The following ARHGAP6 variants were observed in gnomAD, a reference collection of about 807,000 sequenced individuals.
ARHGAP6 encodes the protein rho GTPase-activating protein 6.
A neutral mutation model predicts 55.7 loss-of-function variants in ARHGAP6; 16 were observed. The ratio of observed to expected loss-of-function variants is 0.29; its 90% CI spans 0.19 to 0.44. The LOEUF (loss-of-function observed/expected upper bound fraction) is 0.44. Ranked by LOEUF, ARHGAP6 falls within the 20% of genes least tolerant of loss-of-function variation. ARHGAP6 has a pLI of 1.00. For missense variants in ARHGAP6, 698 were observed against 808.9 expected, an observed-to-expected ratio of 0.86 and a Z score of 1.66; for synonymous variants, 382 against 360.9, an observed-to-expected ratio of 1.06 and a Z score of -0.66.
In ARHGAP6 at chrX:11,247,546, T is replaced by C. The variant is rs901962635; in HGVS notation, c.748+7002A>G. ...ATGTCACAACTACTCAACTCTGACA[T>C]TGAGTGAAAACAGGCATAGACGAAT... On this transcript the variant is annotated intron_variant, in intron 2 of 12. Coordinates refer to ENST00000337414, the MANE Select transcript of ARHGAP6 (RefSeq NM_013427.3). Among the ~76,000 whole-genome samples the C allele has an allele frequency of 2.7e-4, 30 of 112,155 alleles. 1 individual carries two copies. Among genetic ancestry groups the C allele is most frequent in the African/African-American group, 7.8e-4 (24 of 30,900 alleles).
intron 1 of ARHGAP6, among the ~76,000 whole-genome samples, chrX:11,633,515 T>C (rs968793160): frequency 5.4e-5 from 6 of 112,091 alleles, no homozygotes; most frequent in African/African-American, 1.6e-4. Context: ...ATACCCACTG[T>C]TTCCAATTCA....
intron 3 of ARHGAP6, among the ~76,000 whole-genome samples, chrX:11,191,580 T>C (rs1305659024): frequency 1.8e-5 from 2 of 111,880 alleles, no homozygotes. Flanking sequence ...CTCTTTTCTT[T>C]TCTCCATGGT....
At chrX:11,370,381 G>A (rs776218452) in intron 1 of ARHGAP6, among the ~76,000 whole-genome samples, 37 of 112,002 alleles carry the variant, frequency 3.3e-4, no homozygotes, top group South Asian at 7.5e-4. Context: ...AACCTATAGC[G>A]TCAACATCAT....
intron 1 of ARHGAP6, among the ~76,000 whole-genome samples, chrX:11,440,937 C>T (rs1457857909): frequency 8.9e-6 from 1 of 111,822 alleles, no homozygotes. Context: ...ATTTGATTGC[C>T]ATGCCCAAGT....
chrX:11,514,965 A>G (rs1186765237), intron 1 of ARHGAP6, among the ~76,000 whole-genome samples: 1 of 110,769 alleles, frequency 9.0e-6, no homozygotes, highest in Non-Finnish European at 1.9e-5. Context: ...CCTATCTGTA[A>G]ATTCTCATAG....
Position 11,163,068 on chromosome X carries a change from C to T in ARHGAP6, c.1809+6437G>A, listed in dbSNP as rs374701671. On this transcript the variant is annotated intron_variant, in intron 9 of 12. Coordinates refer to ENST00000337414, the MANE Select transcript of ARHGAP6 (RefSeq NM_013427.3). ...AATTCATTGTTTCACATCAAAATCT[C>T]TACTGGGCTTTAGTCAACCTTGTAA... is the stretch of plus-strand genomic sequence containing the variant. Among the ~76,000 whole-genome samples the T allele has an allele frequency of 8.9e-5, 10 of 111,965 alleles. No homozygotes were observed. The East Asian group carries it at 2.2e-3, about 25-fold the overall frequency.
intron 1 of ARHGAP6, among the ~76,000 whole-genome samples, chrX:11,341,481 A>T (rs999885156): frequency 8.9e-6 from 1 of 112,621 alleles, no homozygotes; most frequent in African/African-American, 3.2e-5. Flanking sequence ...TAATCATGTG[A>T]TAAAATGTCA....
chrX:11,164,238 T>C (rs748414722), intron 9 of ARHGAP6, among the ~76,000 whole-genome samples: 1 of 112,434 alleles, frequency 8.9e-6, no homozygotes, highest in African/African-American at 3.2e-5. Context: ...TAAGGAGGCA[T>C]CATGCTGTAG....
intron 1 of ARHGAP6, among the ~76,000 whole-genome samples, chrX:11,456,107 C>T (rs2050191542): frequency 9.0e-6 from 1 of 111,416 alleles, no homozygotes; most frequent in African/African-American, 3.3e-5. Context: ...AAAAACTGTG[C>T]CATTTATAAT....
intron 1 of ARHGAP6, among the ~76,000 whole-genome samples, chrX:11,544,605 G>T (rs1267146196): frequency 8.9e-6 from 1 of 112,228 alleles, no homozygotes; most frequent in Admixed American, 9.4e-5. Flanking sequence ...TGTTTGGAAT[G>T]AGGTTCACTT....
chrX:11,395,263 A>G (rs1363081038), intron 1 of ARHGAP6, among the ~76,000 whole-genome samples: 1 of 112,064 alleles, frequency 8.9e-6, no homozygotes, highest in Non-Finnish European at 1.9e-5. Flanking sequence ...AAGAAACACT[A>G]AGAAGCTAAC....
chrX:11,525,628 C>T (rs1456534096), intron 1 of ARHGAP6, among the ~76,000 whole-genome samples: 3 of 111,929 alleles, frequency 2.7e-5, no homozygotes, highest in Non-Finnish European at 3.8e-5. Context: ...TTTATCATTG[C>T]ACAACTTTCT....
At position 11,156,623 on chromosome X, in the gene ARHGAP6, G is replaced by T. The variant is rs1269901509; in HGVS notation, c.1813C>A (p.Pro605Thr). 5.0e-6 allele frequency: 6 copies of T among 1,200,709 alleles called. No homozygotes were observed. The highest frequency in any genetic ancestry group is 5.6e-6 in the Non-Finnish European group (5 of 887,870). ...AGCACTTCGTTCTGGAGATCTGGGG[G>T]AACCTGAAGGAGCCAAATGTTGAGG... ...IENYEALFMV[P>T]PDLQNEVLIS... Residue 605 changes from proline (P) to threonine (T), a missense_variant, in exon 10 of 13, where the codon CCC becomes ACC. Transcript: ENST00000337414.
At position 11,139,061 on chromosome X, in the gene ARHGAP6, G is replaced by C. The variant is rs2045583383; in HGVS notation, c.2727C>G (p.Asp909Glu). The C allele has an allele frequency of 8.3e-7, 1 of 1,204,088 alleles. No individual in the cohort carries two copies. Among genetic ancestry groups the C allele is most frequent in the African/African-American group, 1.7e-5 (1 of 57,390 alleles). ...GPPEGVETPT[D>E]QGGQAAEREQ... ...CTCGCTCGGCTGCTTGGCCTCCCTG[G>C]TCCGTGGGTGTCTCCACGCCTTCCG... The change falls in exon 13 of 13, where the codon GAC becomes GAG. Residue 909 changes from aspartate (D) to glutamate (E), a missense_variant. Physicochemically the swap from Asp to Glu is conservative, Grantham distance 45. This residue lies in a region of ARHGAP6 where 212 missense variants were observed against 208.7 expected (regional missense o/e 1.02). Coordinates refer to ENST00000337414, the MANE Select transcript of ARHGAP6 (RefSeq NM_013427.3).
rs188557092 is a variant in ARHGAP6, at chrX:11,199,376, A to G, written c.749-2380T>C. ...AACCTGCTAGAGGTACAAACTCTCTATGGTCCCACTCCAGATATGCTAAAT... is the reference window on the plus strand; with the variant it reads ...AACCTGCTAGAGGTACAAACTCTCTGTGGTCCCACTCCAGATATGCTAAAT... On this transcript the variant is annotated intron_variant, in intron 2 of 12. Transcript: ENST00000337414. 2.7e-5 allele frequency among the ~76,000 whole-genome samples: 3 copies of G among 111,771 alleles called. No homozygotes were observed. The East Asian group carries it at 8.4e-4, about 31-fold the overall frequency.
At chrX:11,183,481 A>T (rs1457037607) in intron 5 of ARHGAP6, among the ~76,000 whole-genome samples, 1 of 112,190 alleles carries the variant, frequency 8.9e-6, no homozygotes, top group African/African-American at 3.2e-5. Flanking sequence ...TAGGTCTCTT[A>T]AAAACACAAG....
chrX:11,517,566 C>T (rs749251828), intron 1 of ARHGAP6, among the ~76,000 whole-genome samples: 41 of 111,554 alleles, frequency 3.7e-4, no homozygotes, highest in African/African-American at 1.3e-3. Flanking sequence ...TAGCCCTCAT[C>T]TCTCTCCTGA....
At chrX:11,523,281 G>C (rs7885338) in intron 1 of ARHGAP6, among the ~76,000 whole-genome samples, 13,323 of 105,875 alleles carry the variant, frequency 0.13, 950 homozygotes, top group African/African-American at 0.24. Flanking sequence ...CAATATCATA[G>C]TGAATGGGCA....
intron 1 of ARHGAP6, among the ~76,000 whole-genome samples, chrX:11,456,910 ATAT>A (rs2050198841): frequency 2.7e-5 from 3 of 111,865 alleles, no homozygotes; most frequent in South Asian, 7.5e-4. Flanking sequence ...TTTGCCCCTA[ATAT>A]TATTTTTATC....
Sources: gnomAD v4.1 joint callset for allele counts (sites outside exome capture counted in the v4.1 genomes callset) on GRCh38, gnomAD v4.1.1 for gene constraint, gnomAD v4.1.1 regional missense constraint, MANE v1.5 for transcripts, NCBI Gene and HGNC (gene_info 2026-07-23, HGNC 2026-07-21) for gene names.